Variants in SMURF2 observed in about 807,000 individuals in gnomAD.
The protein encoded by SMURF2 is E3 ubiquitin-protein ligase SMURF2.
In SMURF2, 48 loss-of-function variants were observed where a neutral mutation model predicts 109.6. The observed-to-expected ratio is 0.44, with a 90% CI of 0.35 to 0.56. SMURF2 has a LOEUF of 0.56. Ranked by LOEUF, SMURF2 falls within the 20% of genes least tolerant of loss-of-function variation. SMURF2 has a pLI of 0.01. For synonymous variants in SMURF2, 288 were observed against 317.1 expected, an observed-to-expected ratio of 0.91 and a Z score of 0.97; for missense variants, 575 against 909.0, an observed-to-expected ratio of 0.63 and a Z score of 4.72.
intron 1 of SMURF2, among the ~76,000 whole-genome samples, chr17:64,655,764 A>G (rs1160238185): frequency 2.0e-5 from 3 of 152,092 alleles, no homozygotes; most frequent in Non-Finnish European, 4.4e-5. Context: ...GAGTGGTGGC[A>G]TGCACCTGTA....
At chr17:64,644,922 C>T (rs887940559) in intron 1 of SMURF2, among the ~76,000 whole-genome samples, 5 of 151,734 alleles carry the variant, frequency 3.3e-5, no homozygotes, top group Admixed American at 1.3e-4. Context: ...AGGCAGGAGC[C>T]GCTTCAACCC....
intron 1 of SMURF2, among the ~76,000 whole-genome samples, chr17:64,643,888 G>A (rs1970522322): frequency 6.6e-6 from 1 of 152,066 alleles, no homozygotes; most frequent in Non-Finnish European, 1.5e-5. Flanking sequence ...GTGCAGTGGT[G>A]TGATCTCGGC....
chr17:64,576,588 C>T (rs562341363), intron 9 of SMURF2, among the ~76,000 whole-genome samples: 78 of 152,028 alleles, frequency 5.1e-4, no homozygotes, highest in Non-Finnish European at 8.8e-4. Flanking sequence ...CACTTGAACC[C>T]GGGAGGCGGA....
intron 1 of SMURF2, among the ~76,000 whole-genome samples, chr17:64,650,978 G>A (rs1175301223): frequency 2.6e-5 from 4 of 151,340 alleles, no homozygotes; most frequent in Admixed American, 1.3e-4. Flanking sequence ...TTGGGAGGCC[G>A]AGGTAGGCTG....
chr17:64,636,002 T>C (rs981880797), intron 1 of SMURF2, among the ~76,000 whole-genome samples: 10 of 152,248 alleles, frequency 6.6e-5, no homozygotes, highest in African/African-American at 2.2e-4. Context: ...CCCATTATTA[T>C]AGCCCTTCTA....
chr17:64,545,740 G>T lies in SMURF2; in HGVS notation c.*108C>A, dbSNP rs541009938. Reference sequence around the variant, plus strand: ...GTAAAAAAAAAAAAAAAAAGGGGGGGGGGGGGAGTGTTTTCCTGTATTTCA... The same window carrying T: ...GTAAAAAAAAAAAAAAAAAGGGGGGTGGGGGGAGTGTTTTCCTGTATTTCA... On this transcript the variant is annotated 3_prime_UTR_variant, in exon 19 of 19. Coordinates refer to ENST00000262435, the MANE Select transcript of SMURF2 (RefSeq NM_022739.4). 20 of 374,262 alleles carry T rather than the reference G, an allele frequency of 5.3e-5. No individual in the cohort carries two copies. The highest frequency in any genetic ancestry group is 5.3e-4 in the Middle Eastern group (1 of 1,872). The allele number at this position is 374,262 out of a possible 1,614,324, so 23.2% of individuals were successfully genotyped here. A position where few individuals can be genotyped will look rare whatever the true frequency, so the allele number is the denominator to read the frequency against.
At chr17:64,626,258 C>CAA (rs782086305) in intron 1 of SMURF2, among the ~76,000 whole-genome samples, 125 of 58,160 alleles carry the variant, frequency 2.1e-3, no homozygotes, top group Admixed American at 3.3e-3. Context: ...GACACGGTCT[C>CAA]AAAAAAAAAA....
chr17:64,631,304 G>C (rs1378470072), intron 1 of SMURF2, among the ~76,000 whole-genome samples: 3 of 125,302 alleles, frequency 2.4e-5, no homozygotes, highest in East Asian at 4.6e-4. Flanking sequence ...GAGAGAGAGA[G>C]AGAGAGAGAG....
At chr17:64,588,091 C>CAAAA (rs375759315) in intron 5 of SMURF2, among the ~76,000 whole-genome samples, 1 of 68,892 alleles carries the variant, frequency 1.5e-5, no homozygotes, top group Non-Finnish European at 3.3e-5. Flanking sequence ...GTTTATGGTC[C>CAAAA]AAAAAAAAAA....
intron 1 of SMURF2, among the ~76,000 whole-genome samples, chr17:64,630,874 C>T (rs1257916917): frequency 2.0e-5 from 3 of 152,002 alleles, no homozygotes; most frequent in African/African-American, 7.3e-5. Context: ...TCTAGGGAGT[C>T]CTTGAAAAGC....
intron 1 of SMURF2, among the ~76,000 whole-genome samples, chr17:64,619,233 C>T (rs1053166050): frequency 2.0e-5 from 3 of 151,876 alleles, no homozygotes; most frequent in Non-Finnish European, 4.4e-5. Context: ...AATACTAACA[C>T]TTTGGGAGGC....
At position 64,626,763 on chromosome 17, in the gene SMURF2, AAAAACAAAAC is replaced by A. The variant is rs371936221; in HGVS notation, c.53-20133_53-20124del. Among the ~76,000 whole-genome samples, 1,195 of 152,272 alleles carry A rather than the reference AAAAACAAAAC, an allele frequency of 7.8e-3. 5 individuals carry two copies. The highest frequency in any genetic ancestry group is 0.012 in the Non-Finnish European group (805 of 68,032). ...GCTCGACAGAGCAAGATTCCATCAA[AAAAACAAAAC>A]AAAACAAAACAAAACTTACCTGAAC... On this transcript the variant is annotated intron_variant, in intron 1 of 18. Transcript: ENST00000262435.
chr17:64,567,752 G>C (rs1316640342), intron 10 of SMURF2, among the ~76,000 whole-genome samples: 3 of 152,000 alleles, frequency 2.0e-5, no homozygotes, highest in African/African-American at 7.3e-5. Flanking sequence ...GTGTGATCTT[G>C]GCTCACTGCA....
chr17:64,561,678 C>G, intron 11 of SMURF2, 75 bp from the exon 12 acceptor site: 1 of 1,157,786 alleles, frequency 8.6e-7, no homozygotes, highest in Non-Finnish European at 1.2e-6. Flanking sequence ...CCCTGCCAAT[C>G]CATCCAAAAA....
intron 5 of SMURF2, among the ~76,000 whole-genome samples, chr17:64,586,750 CAAA>C (rs782490512): frequency 4.7e-3 from 130 of 27,412 alleles, no homozygotes; most frequent in African/African-American, 0.015. Context: ...GACTCCGTCT[CAAA>C]AAAAAAAAAA....
chr17:64,559,335 A>C (rs530581333), intron 12 of SMURF2, among the ~76,000 whole-genome samples: 44 of 152,212 alleles, frequency 2.9e-4, no homozygotes, highest in South Asian at 8.3e-4. Flanking sequence ...GTGGCTCATG[A>C]CTGTAATCCC....
rs1257445960 is a variant in SMURF2 at position 64,544,453 on chromosome 17, A to AC, written c.*1394dup. On this transcript the variant is annotated 3_prime_UTR_variant, in exon 19 of 19. Coordinates refer to ENST00000262435, the MANE Select transcript of SMURF2 (RefSeq NM_022739.4). ...TTATTTCACATCAATGTAAAAAAAAACTGATAGTACATATTTTTGATGGTT... is the reference window on the plus strand; with the variant it reads ...TTATTTCACATCAATGTAAAAAAAAACCTGATAGTACATATTTTTGATGGTT... 6.6e-6 allele frequency: 1 copy of AC among 150,918 alleles called. No homozygotes were observed. The highest frequency in any genetic ancestry group is 1.5e-5 in the Non-Finnish European group (1 of 67,948). The allele number at this position is 150,918 out of a possible 1,614,324, so 9.3% of individuals were successfully genotyped here. A position where few individuals can be genotyped will look rare whatever the true frequency, so the allele number is the denominator to read the frequency against.
intron 1 of SMURF2, among the ~76,000 whole-genome samples, chr17:64,659,150 T>C (rs1598321637): frequency 6.6e-6 from 1 of 152,146 alleles, no homozygotes; most frequent in African/African-American, 2.4e-5. Context: ...AGAGTGTGTA[T>C]GAGTGTGTGA....
intron 1 of SMURF2, among the ~76,000 whole-genome samples, chr17:64,631,776 T>C (rs1555691620): frequency 1.3e-5 from 2 of 152,218 alleles, no homozygotes; most frequent in Admixed American, 6.5e-5. Flanking sequence ...CAATAATTAA[T>C]ATGCATTGAG....
Sources: gnomAD v4.1 joint callset for allele counts (sites outside exome capture counted in the v4.1 genomes callset) on GRCh38, gnomAD v4.1.1 for gene constraint, MANE v1.5 for transcripts, NCBI Gene and HGNC (gene_info 2026-07-23, HGNC 2026-07-21) for gene names.